The following RIT2 variants were observed in gnomAD, a reference collection of about 807,000 sequenced individuals.
The protein encoded by RIT2 is GTP-binding protein Rit2.
A neutral mutation model predicts 23.7 loss-of-function variants in RIT2; 24 were observed. That is an observed-to-expected ratio of 1.01 (90% CI 0.73 to 1.43). The LOEUF (loss-of-function observed/expected upper bound fraction) is 1.43, where lower values mean the gene tolerates loss of function less well. RIT2 is among the 40% of genes most tolerant of loss of function. RIT2 has a pLI of 0.00. For synonymous variants in RIT2, 107 were observed against 91.1 expected, an observed-to-expected ratio of 1.17 and a Z score of -0.99; for missense variants, 236 against 266.9, an observed-to-expected ratio of 0.88 and a Z score of 0.81.
At chr18:42,793,672 T>G (rs774443013) in intron 4 of RIT2, among the ~76,000 whole-genome samples, 1 of 152,024 alleles carries the variant, frequency 6.6e-6, no homozygotes, top group African/African-American at 2.4e-5. Context: ...AATTTAGAAG[T>G]TGGACAGATA....
At chr18:42,873,912 C>T (rs1217529641) in intron 4 of RIT2, among the ~76,000 whole-genome samples, 1 of 152,106 alleles carries the variant, frequency 6.6e-6, no homozygotes, top group African/African-American at 2.4e-5. Context: ...AATCAGAGAA[C>T]AGTTAGTGAA....
intron 2 of RIT2, among the ~76,000 whole-genome samples, chr18:42,983,650 A>G (rs1910645669): frequency 6.6e-6 from 1 of 152,096 alleles, no homozygotes; most frequent in East Asian, 1.9e-4. Flanking sequence ...TCAAAACTCA[A>G]GAGTAAAAGC....
chr18:42,954,374 C>CAAA (rs200231977), intron 3 of RIT2, among the ~76,000 whole-genome samples: 4 of 86,316 alleles, frequency 4.6e-5, no homozygotes, highest in Non-Finnish European at 5.7e-5. Context: ...ATTTCCAACT[C>CAAA]AAAAAAAAAA....
intron 4 of RIT2, among the ~76,000 whole-genome samples, chr18:42,787,522 G>C (rs1381659722): frequency 1.3e-5 from 2 of 152,134 alleles, no homozygotes; most frequent in African/African-American, 2.4e-5. Flanking sequence ...TGAAGCTCAA[G>C]CTATGTTTTC....
At chr18:43,090,426 G>T (rs1913394919) in intron 1 of RIT2, among the ~76,000 whole-genome samples, 1 of 152,092 alleles carries the variant, frequency 6.6e-6, no homozygotes, top group African/African-American at 2.4e-5. Context: ...GTTGATGGAA[G>T]TGTAAATAGT....
chr18:42,837,474 TA>T (rs1555641179), intron 4 of RIT2, among the ~76,000 whole-genome samples: 33 of 149,352 alleles, frequency 2.2e-4, no homozygotes, highest in East Asian at 2.2e-3. Flanking sequence ...GCCTCTTTTT[TA>T]AAAAAAAAAA....
At chr18:43,096,730 T>C (rs191781352) in intron 1 of RIT2, among the ~76,000 whole-genome samples, 2 of 152,022 alleles carry the variant, frequency 1.3e-5, no homozygotes, top group East Asian at 3.9e-4. Context: ...CAAGTGTTTG[T>C]TTTATTCTCA....
intron 4 of RIT2, among the ~76,000 whole-genome samples, chr18:42,757,857 A>G (rs527094): frequency 1.3e-5 from 2 of 152,190 alleles, no homozygotes; most frequent in African/African-American, 2.4e-5. Context: ...AAAGCATCCC[A>G]AAAGAATGAT....
At chr18:42,867,293 T>C (rs1159608503) in intron 4 of RIT2, among the ~76,000 whole-genome samples, 1 of 152,166 alleles carries the variant, frequency 6.6e-6, no homozygotes. Context: ...CTCAGTTTGC[T>C]GGGCCCTAGT....
chr18:43,049,084 G>A (rs1912317326), intron 1 of RIT2, among the ~76,000 whole-genome samples: 1 of 152,136 alleles, frequency 6.6e-6, no homozygotes, highest in African/African-American at 2.4e-5. Flanking sequence ...AGCATCACTA[G>A]TATGGCACTC....
intron 4 of RIT2, among the ~76,000 whole-genome samples, chr18:42,845,383 T>A (rs1241722196): frequency 6.6e-6 from 1 of 151,010 alleles, no homozygotes; most frequent in African/African-American, 2.4e-5. Flanking sequence ...ATATATAGAT[T>A]TATATGTTCT....
intron 4 of RIT2, among the ~76,000 whole-genome samples, chr18:42,848,104 G>T (rs1036912120): frequency 6.6e-6 from 1 of 151,896 alleles, no homozygotes; most frequent in Non-Finnish European, 1.5e-5. Flanking sequence ...GTCTAGCCAA[G>T]CTCATTCCAA....
At chr18:42,804,863 T>G in intron 4 of RIT2, among the ~76,000 whole-genome samples, 1 of 152,184 alleles carries the variant, frequency 6.6e-6, no homozygotes, top group Non-Finnish European at 1.5e-5. Flanking sequence ...TTCCTAGATA[T>G]TCCCTAATCA....
intron 3 of RIT2, among the ~76,000 whole-genome samples, chr18:42,963,156 T>A (rs1910130692): frequency 1.3e-5 from 2 of 152,194 alleles, no homozygotes; most frequent in African/African-American, 2.4e-5. Flanking sequence ...TTTTCCTGAT[T>A]TTCAGATGAA....
chr18:43,012,032 C>A (rs1337604831), intron 2 of RIT2, among the ~76,000 whole-genome samples: 1 of 151,704 alleles, frequency 6.6e-6, no homozygotes, highest in African/African-American at 2.4e-5. Context: ...CTATTTTTCC[C>A]ATGTTCACGT....
intron 2 of RIT2, among the ~76,000 whole-genome samples, chr18:42,991,270 G>C (rs1208425314): frequency 1.3e-5 from 2 of 152,122 alleles, no homozygotes. Context: ...GCCATATAAG[G>C]ATACTGGTGC....
chr18:42,909,525 C>T (rs1908712551), intron 4 of RIT2, among the ~76,000 whole-genome samples: 1 of 152,022 alleles, frequency 6.6e-6, no homozygotes, highest in Non-Finnish European at 1.5e-5. Flanking sequence ...AAAATCAAAT[C>T]ACCCTAATAC....
chr18:43,081,992 C>T (rs1913168440), intron 1 of RIT2, among the ~76,000 whole-genome samples: 1 of 152,090 alleles, frequency 6.6e-6, no homozygotes, highest in Non-Finnish European at 1.5e-5. Flanking sequence ...TCTAAGACAA[C>T]ATAACTTGTT....
At chr18:43,036,512 C>T (rs748119317) in intron 1 of RIT2, among the ~76,000 whole-genome samples, 4 of 152,110 alleles carry the variant, frequency 2.6e-5, no homozygotes, top group Non-Finnish European at 5.9e-5. Flanking sequence ...TGCACTCCAG[C>T]CTGGGTGACA....
Sources: gnomAD v4.1 joint callset for allele counts (sites outside exome capture counted in the v4.1 genomes callset) on GRCh38, gnomAD v4.1.1 for gene constraint, MANE v1.5 for transcripts, NCBI Gene and HGNC (gene_info 2026-07-23, HGNC 2026-07-21) for gene names.